SIMC1: variants seen among roughly 807,000 people sequenced by gnomAD.
SIMC1 encodes the protein SUMO-interacting motif-containing protein 1.
A neutral mutation model predicts 82.3 loss-of-function variants in SIMC1; 55 were observed. The observed-to-expected ratio is 0.67, with a 90% CI of 0.54 to 0.84. The LOEUF (loss-of-function observed/expected upper bound fraction) is 0.84. Ranked by LOEUF, SIMC1 falls within the 40% of genes least tolerant of loss-of-function variation. SIMC1 has a pLI of 0.00. For synonymous variants in SIMC1, 353 were observed against 426.3 expected (o/e 0.83, Z 2.12); for missense variants, 915 against 1,107.2 (o/e 0.83, Z 2.46).
At chr5:176,295,655 C>T (rs1418302833) in intron 3 of SIMC1, among the ~76,000 whole-genome samples, 1 of 150,736 alleles carries the variant, frequency 6.6e-6, no homozygotes, top group Middle Eastern at 3.2e-3. Flanking sequence ...GGTAGCCTCT[C>T]AGCCTCAGTT....
intron 2 of SIMC1, among the ~76,000 whole-genome samples, chr5:176,291,159 CTTTTTT>C (rs1173030195): frequency 2.3e-5 from 2 of 88,502 alleles, no homozygotes; most frequent in South Asian, 4.1e-4. Flanking sequence ...TGTCACTTTA[CTTTTTT>C]TTTTTTTTTT....
intron 1 of SIMC1, among the ~76,000 whole-genome samples, chr5:176,246,339 A>T (rs1343411596): frequency 1.3e-5 from 2 of 151,472 alleles, no homozygotes; most frequent in African/African-American, 4.9e-5. Flanking sequence ...CTGACAACTC[A>T]CATTTCCCTC....
chr5:176,324,399 G>A (rs939357019), intron 6 of SIMC1, among the ~76,000 whole-genome samples: 1 of 152,080 alleles, frequency 6.6e-6, no homozygotes. Context: ...TCAACCCCAG[G>A]TTCTGAGAGG....
chr5:176,246,014 T>G (rs1054628868), intron 1 of SIMC1, among the ~76,000 whole-genome samples: 15 of 147,564 alleles, frequency 1.0e-4, no homozygotes, highest in African/African-American at 3.5e-4. Context: ...TTGTCAAGGT[T>G]TTTTTTTTTT....
chr5:176,249,943 T>C (rs1340813794), intron 1 of SIMC1, among the ~76,000 whole-genome samples: 1 of 152,088 alleles, frequency 6.6e-6, no homozygotes, highest in African/African-American at 2.4e-5. Context: ...ATCTTAGTTA[T>C]TTCTTGCCTT....
chr5:176,255,668 A>C (rs1761830039), intron 1 of SIMC1, among the ~76,000 whole-genome samples: 1 of 149,968 alleles, frequency 6.7e-6, no homozygotes, highest in Non-Finnish European at 1.5e-5. Context: ...TTTTCTGTGA[A>C]ATTTTACTTC....
At chr5:176,275,607 G>T (rs1379864123) in intron 1 of SIMC1, among the ~76,000 whole-genome samples, 9 of 151,812 alleles carry the variant, frequency 5.9e-5, no homozygotes, top group Admixed American at 5.2e-4. Flanking sequence ...TTGGCTGTGG[G>T]TTTGTCATAG....
Position 176,249,838 on chromosome 5 carries a change from C to T in SIMC1, c.129+11201C>T, listed in dbSNP as rs181025234. Among the ~76,000 whole-genome samples, 12 of 92,038 alleles carry T rather than the reference C, an allele frequency of 1.3e-4. No homozygotes were observed. In the East Asian group the frequency reaches 2.5e-3, roughly 19 times the overall value. 60.4% of individuals were successfully genotyped at this position (92,038 alleles called of 152,430 possible). On this transcript the variant is annotated intron_variant, in intron 1 of 9. Transcript: ENST00000429602. ...CAGCCTGAGCAACAGAGCGAGATTC[C>T]GTCTCAAAAAAAAAAAAAAAAAAAA...
At chr5:176,341,376 T>C (rs2113422752) in intron 9 of SIMC1, among the ~76,000 whole-genome samples, 1 of 152,358 alleles carries the variant, frequency 6.6e-6, no homozygotes, top group Middle Eastern at 3.4e-3. Context: ...AAGGGCCATC[T>C]TGGCCATGCT....
chr5:176,319,915 G>T (rs568675476), intron 5 of SIMC1, among the ~76,000 whole-genome samples: 1 of 152,186 alleles, frequency 6.6e-6, no homozygotes, highest in Non-Finnish European at 1.5e-5. Context: ...ATATTTAAAG[G>T]TGCGAGACTC....
chr5:176,308,901 G>A, intron 4 of SIMC1: 6 of 1,316,394 alleles, frequency 4.6e-6, no homozygotes, highest in Non-Finnish European at 6.6e-6. Flanking sequence ...TCAGCAGTCA[G>A]CGGGCCTCTT....
At chr5:176,300,388 C>T (rs974010492) in intron 4 of SIMC1, among the ~76,000 whole-genome samples, 4 of 152,172 alleles carry the variant, frequency 2.6e-5, no homozygotes, top group African/African-American at 9.7e-5. Context: ...GCACAATTAT[C>T]GCTTACTGAA....
At chr5:176,341,853 T>C (rs538288807) in intron 9 of SIMC1, among the ~76,000 whole-genome samples, 1 of 152,340 alleles carries the variant, frequency 6.6e-6, no homozygotes, top group East Asian at 1.9e-4. Context: ...GAGCCAGGCA[T>C]TATGGCTCAA....
intron 1 of SIMC1, among the ~76,000 whole-genome samples, chr5:176,242,385 TTG>T (rs1761304290): frequency 1.3e-5 from 2 of 151,998 alleles, no homozygotes; most frequent in Admixed American, 1.3e-4. Context: ...TGCATAAATT[TTG>T]ATAAAGTTTA....
At chr5:176,286,472 A>AT (rs1763289504) in intron 1 of SIMC1, among the ~76,000 whole-genome samples, 1 of 152,232 alleles carries the variant, frequency 6.6e-6, no homozygotes, top group African/African-American at 2.4e-5. Context: ...CTTATACCTT[A>AT]TACAAAAATT....
intron 1 of SIMC1, among the ~76,000 whole-genome samples, chr5:176,262,802 C>G (rs548437753): frequency 5.1e-4 from 78 of 151,648 alleles, no homozygotes; most frequent in African/African-American, 1.8e-3. Context: ...GAGACTCTGT[C>G]TCAAAAAAAG....
At chr5:176,255,304 A>C (rs1371051657) in intron 1 of SIMC1, among the ~76,000 whole-genome samples, 2 of 151,530 alleles carry the variant, frequency 1.3e-5, no homozygotes, top group African/African-American at 2.4e-5. Context: ...CTTCAAGACC[A>C]GGTGCTGTGG....
chr5:176,269,777 ACT>A (rs1299471609), intron 1 of SIMC1, among the ~76,000 whole-genome samples: 4 of 152,020 alleles, frequency 2.6e-5, no homozygotes, highest in African/African-American at 9.7e-5. Flanking sequence ...ATGACGCCTC[ACT>A]CTATTGCCCA....
Position 176,290,329 on chromosome 5 carries a change from C to T in SIMC1, c.805C>T (p.Pro269Ser). The T allele has an allele frequency of 2.5e-6, 4 of 1,613,970 alleles. No homozygotes were observed. The highest frequency in any genetic ancestry group is 3.4e-6 in the Non-Finnish European group (4 of 1,179,890). ...PALTHPPQEV[P>S]CPRQNIPGPP... ...TCTAACTCACCCACCTCAAGAAGTG[C>T]CATGCCCTCGGCAGAATATCCCAGG... is the stretch of plus-strand genomic sequence containing the variant. The change falls in exon 2 of 10, where the codon CCA (proline) becomes TCA (serine). Residue 269 changes from proline to serine, a missense_variant. This residue lies in a region of SIMC1 where 902 missense variants were observed against 1,040.3 expected (regional missense o/e 0.87). Transcript: ENST00000429602.
Sources: gnomAD v4.1 joint callset for allele counts (sites outside exome capture counted in the v4.1 genomes callset) on GRCh38, gnomAD v4.1.1 for gene constraint, gnomAD v4.1.1 regional missense constraint, MANE v1.5 for transcripts, NCBI Gene and HGNC (gene_info 2026-07-23, HGNC 2026-07-21) for gene names.